Variants in GALNT13 observed in about 807,000 individuals in gnomAD.
The protein encoded by GALNT13 is UDP-GalNAc:polypeptide N-acetylgalactosaminyltransferase 13.
A neutral mutation model predicts 64.2 loss-of-function variants in GALNT13; 28 were observed. The observed-to-expected ratio is 0.44, with a 90% CI of 0.32 to 0.60. GALNT13 has a LOEUF of 0.60. Among genes scored for constraint, GALNT13 ranks in the 20% least tolerant of loss-of-function variants. The pLI is 0.05. For synonymous variants in GALNT13, 214 were observed against 224.6 expected, an observed-to-expected ratio of 0.95 and a Z score of 0.42; for missense variants, 577 against 669.8, an observed-to-expected ratio of 0.86 and a Z score of 1.53.
the GALNT13 span, among the ~76,000 whole-genome samples, chr2:153,501,993 A>G: frequency 8.1e-4 from 124 of 152,336 alleles, no homozygotes; most frequent in Non-Finnish European, 1.3e-3. Context: ...TCCTACAACC[A>G]GTTTGCACAG....
chr2:153,230,269 G>A, the GALNT13 span, among the ~76,000 whole-genome samples: 1 of 152,160 alleles, frequency 6.6e-6, no homozygotes, highest in Non-Finnish European at 1.5e-5. Context: ...TTTTCTTATA[G>A]AGCGACAAAG....
At chr2:154,164,338 T>C (rs1684904007) in intron 4 of GALNT13, among the ~76,000 whole-genome samples, 1 of 152,162 alleles carries the variant, frequency 6.6e-6, no homozygotes. Flanking sequence ...GAAATATCCA[T>C]AGATCATCTA....
chr2:153,527,584 T>A, the GALNT13 span, among the ~76,000 whole-genome samples: 2 of 152,102 alleles, frequency 1.3e-5, no homozygotes, highest in African/African-American at 4.8e-5. Flanking sequence ...ATCACCTGAA[T>A]GTACAAAAAT....
chr2:153,485,978 C>T, the GALNT13 span, among the ~76,000 whole-genome samples: 1 of 152,120 alleles, frequency 6.6e-6, no homozygotes, highest in African/African-American at 2.4e-5. Flanking sequence ...TCTCTGTCAC[C>T]CAGAGCTGGA....
At chr2:153,608,970 G>A in the GALNT13 span, among the ~76,000 whole-genome samples, 18 of 146,044 alleles carry the variant, frequency 1.2e-4, no homozygotes, top group Admixed American at 3.5e-4. Flanking sequence ...AGGCTAGAGT[G>A]CAGTGGCGAA....
chr2:153,838,625 A>T, the GALNT13 span, among the ~76,000 whole-genome samples: 3 of 151,788 alleles, frequency 2.0e-5, no homozygotes, highest in Non-Finnish European at 4.4e-5. Context: ...ATTGGTGCAA[A>T]AGTCTGTTTT....
the GALNT13 span, among the ~76,000 whole-genome samples, chr2:153,334,239 A>T: frequency 7.9e-5 from 12 of 152,216 alleles, no homozygotes; most frequent in Non-Finnish European, 1.3e-4. Flanking sequence ...ACAATGGGCA[A>T]TATTGAGATG....
chr2:153,240,283 A>G, the GALNT13 span, among the ~76,000 whole-genome samples: 1 of 151,974 alleles, frequency 6.6e-6, no homozygotes, highest in Non-Finnish European at 1.5e-5. Context: ...GACTGATTTG[A>G]GTAATAATAA....
chr2:153,368,038 A>G, the GALNT13 span, among the ~76,000 whole-genome samples: 1 of 152,132 alleles, frequency 6.6e-6, no homozygotes, highest in African/African-American at 2.4e-5. Context: ...GCAAGACCAA[A>G]TCATAATATG....
intron 4 of GALNT13, among the ~76,000 whole-genome samples, chr2:154,181,547 C>G (rs1685958732): frequency 2.0e-5 from 3 of 151,898 alleles, no homozygotes; most frequent in Admixed American, 1.3e-4. Flanking sequence ...TGCTATTTTG[C>G]TTTTTGAAAA....
Position 154,245,726 on chromosome 2 carries a change from C to T in GALNT13, c.687-86C>T, listed in dbSNP as rs1397694426. The T allele has an allele frequency of 1.2e-5, 10 of 816,358 alleles. No homozygotes were observed. In the East Asian group the frequency reaches 2.6e-4, roughly 21 times the overall value. 50.6% of individuals were successfully genotyped at this position (816,358 alleles called of 1,614,324 possible). A position where few individuals can be genotyped will look rare whatever the true frequency, so the allele number is the denominator to read the frequency against. On this transcript the variant is annotated intron_variant, in intron 6 of 12. Transcript: ENST00000392825. Reference sequence around the variant, plus strand: ...TAAAGTAACAAAATAATTAAATTTCCTCATATCAGCTATAATCAGTTTGAA... The same window carrying T: ...TAAAGTAACAAAATAATTAAATTTCTTCATATCAGCTATAATCAGTTTGAA...
intron 3 of GALNT13, among the ~76,000 whole-genome samples, chr2:154,128,750 A>G (rs1682444805): frequency 6.6e-6 from 1 of 152,142 alleles, no homozygotes. Flanking sequence ...GAAAAAAATT[A>G]TCAAAATGCT....
At chr2:154,400,923 G>T (rs1574238641) in intron 10 of GALNT13, among the ~76,000 whole-genome samples, 2 of 137,914 alleles carry the variant, frequency 1.5e-5, no homozygotes, top group South Asian at 4.9e-4. Flanking sequence ...GGTTATGACA[G>T]GCTTTCTGAA....
chr2:154,067,139 A>G (rs1700509914), intron 3 of GALNT13, among the ~76,000 whole-genome samples: 1 of 152,200 alleles, frequency 6.6e-6, no homozygotes, highest in Non-Finnish European at 1.5e-5. Flanking sequence ...CCTTAAATCT[A>G]TAAACATGCA....
chr2:153,476,530 G>T, the GALNT13 span, among the ~76,000 whole-genome samples: 3 of 152,132 alleles, frequency 2.0e-5, no homozygotes, highest in East Asian at 5.8e-4. Flanking sequence ...GTTTTTAGGC[G>T]TTTCTTTCTA....
At chr2:153,988,065 T>C (rs113829093) in intron 3 of GALNT13, among the ~76,000 whole-genome samples, 28,580 of 140,664 alleles carry the variant, frequency 0.2, 3,555 homozygotes, top group Middle Eastern at 0.32. Flanking sequence ...GACATATATA[T>C]ATATATATAC....
At chr2:153,102,311 T>C in the GALNT13 span, among the ~76,000 whole-genome samples, 2 of 152,068 alleles carry the variant, frequency 1.3e-5, no homozygotes, top group African/African-American at 4.8e-5. Context: ...TTTTTTCAAA[T>C]GTATTGGCTT....
At chr2:153,653,934 G>A in the GALNT13 span, among the ~76,000 whole-genome samples, 3 of 152,188 alleles carry the variant, frequency 2.0e-5, no homozygotes, top group Non-Finnish European at 4.4e-5. Context: ...GATCATCAAA[G>A]GATGCTTAAA....
intron 1 of GALNT13, among the ~76,000 whole-genome samples, chr2:153,900,312 C>T (rs1688153367): frequency 6.6e-6 from 1 of 152,086 alleles, no homozygotes; most frequent in African/African-American, 2.4e-5. Context: ...ATTAATAATG[C>T]TTGATTAAAT....
Sources: gnomAD v4.1 joint callset for allele counts (sites outside exome capture counted in the v4.1 genomes callset) on GRCh38, gnomAD v4.1.1 for gene constraint, MANE v1.5 for transcripts, NCBI Gene and HGNC (gene_info 2026-07-23, HGNC 2026-07-21) for gene names.